Variants in SNRPG observed in about 807,000 individuals in gnomAD.
SNRPG encodes the protein small nuclear ribonucleoprotein G.
A neutral mutation model predicts 13.9 loss-of-function variants in SNRPG; 3 were observed. The ratio of observed to expected loss-of-function variants is 0.22; its 90% CI spans 0.10 to 0.56. The LOEUF (loss-of-function observed/expected upper bound fraction) is 0.56. Among genes scored for constraint, SNRPG ranks in the 20% least tolerant of loss-of-function variants. The probability of loss-of-function intolerance (pLI) is 0.93; values close to 1 mark genes in which losing one functional copy is unlikely to be tolerated. For missense variants in SNRPG, 34 were observed against 96.1 expected, an observed-to-expected ratio of 0.35 and a Z score of 2.70; for synonymous variants, 29 against 29.3, an observed-to-expected ratio of 0.99 and a Z score of 0.03.
intron 3 of SNRPG, among the ~76,000 whole-genome samples, chr2:70,285,603 A>T (rs73939159): frequency 6.6e-6 from 1 of 151,846 alleles, no homozygotes; most frequent in Non-Finnish European, 1.5e-5. Context: ...CACACACAGA[A>T]ATTTGTGCAT....
intron 2 of SNRPG, 50 bp downstream of exon 2, chr2:70,289,299 TA>T (rs1225540792): frequency 8.9e-6 from 10 of 1,128,172 alleles, no homozygotes; most frequent in Non-Finnish European, 1.3e-5. Context: ...AAGACACATG[TA>T]AAAAGCAATT....
intron 3 of SNRPG, among the ~76,000 whole-genome samples, chr2:70,286,189 A>G (rs902202738): frequency 5.3e-5 from 8 of 152,198 alleles, no homozygotes; most frequent in Admixed American, 2.0e-4. Context: ...CAGCCTCTCG[A>G]AGTGCTGGGA....
chr2:70,282,798 G>A (rs1035171075), intron 3 of SNRPG, among the ~76,000 whole-genome samples: 2 of 152,148 alleles, frequency 1.3e-5, no homozygotes, highest in Non-Finnish European at 1.5e-5. Flanking sequence ...CATAAATGAA[G>A]ATAAGAATAT....
intron 1 of SNRPG, chr2:70,292,925 G>A: frequency 3.5e-6 from 2 of 566,226 alleles, no homozygotes; most frequent in Non-Finnish European, 6.3e-6. Flanking sequence ...CCTACCTAAA[G>A]TAAGGCTCTC....
rs1696977582 is a variant in SNRPG at position 70,287,692 on chromosome 2, G to A, written c.180+376C>T. 1.5e-5 allele frequency: 6 copies of A among 395,704 alleles called. No individual in the cohort carries two copies. In the East Asian group the frequency reaches 2.9e-4, roughly 19 times the overall value. 24.5% of individuals were successfully genotyped at this position (395,704 alleles called of 1,614,324 possible). On this transcript the variant is annotated intron_variant, in intron 3 of 3. Transcript: ENST00000272348. ...AGTAGAAATGCAAAACCTTAGTTAAGTTCTGCCCCATACCTACTGAAGTAG... is the reference window on the plus strand; with the variant it reads ...AGTAGAAATGCAAAACCTTAGTTAAATTCTGCCCCATACCTACTGAAGTAG...
At chr2:70,284,953 C>G (rs2104912729) in intron 3 of SNRPG, among the ~76,000 whole-genome samples, 1 of 152,292 alleles carries the variant, frequency 6.6e-6, no homozygotes, top group Middle Eastern at 3.4e-3. Context: ...GTGATGATAC[C>G]TCATACTGTC....
intron 3 of SNRPG, among the ~76,000 whole-genome samples, chr2:70,286,848 A>C (rs1166301238): frequency 6.6e-6 from 1 of 152,210 alleles, no homozygotes; most frequent in Non-Finnish European, 1.5e-5. Flanking sequence ...CTAAAAACCT[A>C]ATCTACCTTC....
Position 70,293,602 on chromosome 2 carries a change from T to C in SNRPG, c.32+16A>G, listed in dbSNP as rs758356324. 1.2e-6 allele frequency: 2 copies of C among 1,612,336 alleles called. No individual in the cohort carries two copies. Among genetic ancestry groups the C allele is most frequent in the African/African-American group, 2.7e-5 (2 of 75,014 alleles). On this transcript the variant is annotated intron_variant, in intron 1 of 3. Transcript: ENST00000272348. ...AAATAACTGACCACTTCGGTTTGGCTCTCACACATACTTACTTTTTCAACT... is the reference window on the plus strand; with the variant it reads ...AAATAACTGACCACTTCGGTTTGGCCCTCACACATACTTACTTTTTCAACT...
intron 1 of SNRPG, among the ~76,000 whole-genome samples, chr2:70,292,450 C>T (rs984595060): frequency 3.9e-5 from 6 of 152,190 alleles, no homozygotes; most frequent in African/African-American, 1.4e-4. Context: ...CGGGTTCAAG[C>T]GATTCTCCTG....
chr2:70,292,935 CCTA>C (rs1559047121), intron 1 of SNRPG: 1 of 570,028 alleles, frequency 1.8e-6, no homozygotes, highest in Non-Finnish European at 3.1e-6. Flanking sequence ...GTAAGGCTCT[CCTA>C]CTTAAAGTTG....
intron 1 of SNRPG, chr2:70,293,223 C>G (rs768868003): frequency 6.8e-5 from 48 of 702,290 alleles, no homozygotes; most frequent in Non-Finnish European, 1.1e-4. Context: ...ACACTTCCTT[C>G]CCTTCCAGCC....
chr2:70,287,174 A>G, intron 3 of SNRPG: 1 of 608,796 alleles, frequency 1.6e-6, no homozygotes, highest in South Asian at 2.0e-5. Flanking sequence ...TTAAACAGGC[A>G]GAGATGTCAA....
rs1404470204 is a variant in SNRPG, at chr2:70,288,926, G to C, written c.55+424C>G. ...GATTAAGTAATCTGCTTAACTAACG[G>C]ATGTGAATTAGAGGTCCTGTGTGCT... On this transcript the variant is annotated intron_variant, in intron 2 of 3. Transcript: ENST00000272348. Among the ~76,000 whole-genome samples the C allele has an allele frequency of 2.0e-5, 3 of 152,272 alleles. No individual in the cohort carries two copies. The East Asian group carries it at 5.8e-4, about 29-fold the overall frequency.
intron 2 of SNRPG, among the ~76,000 whole-genome samples, chr2:70,288,852 G>A (rs1194319062): frequency 1.9e-5 from 2 of 107,662 alleles, no homozygotes; most frequent in Non-Finnish European, 4.8e-5. Context: ...AGTCTGAAGT[G>A]CTGTTAAATT....
At chr2:70,287,487 G>T in intron 3 of SNRPG, 1 of 565,340 alleles carries the variant, frequency 1.8e-6, no homozygotes, top group South Asian at 2.4e-5. Flanking sequence ...CTCAGTATGT[G>T]CTTATTTTTT....
chr2:70,288,478 C>T (rs1444210197), intron 2 of SNRPG, among the ~76,000 whole-genome samples: 1 of 152,052 alleles, frequency 6.6e-6, no homozygotes, highest in Non-Finnish European at 1.5e-5. Flanking sequence ...AGGCTGGTCT[C>T]GAACTCCTGG....
chr2:70,289,487 A>G, intron 1 of SNRPG, 115 bp from the exon 2 acceptor site: 1 of 603,394 alleles, frequency 1.7e-6, no homozygotes, highest in Non-Finnish European at 3.0e-6. Context: ...GAATAATGAA[A>G]TCTAAAATAG....
intron 3 of SNRPG, among the ~76,000 whole-genome samples, chr2:70,282,561 C>T (rs1283331597): frequency 6.6e-6 from 1 of 152,110 alleles, no homozygotes; most frequent in Non-Finnish European, 1.5e-5. Context: ...AGATAGTTGG[C>T]ATTCAATCTT....
chr2:70,290,823 T>TAAAAAAAAAA (rs57720967), intron 1 of SNRPG, among the ~76,000 whole-genome samples: 4 of 25,284 alleles, frequency 1.6e-4, no homozygotes, highest in East Asian at 1.8e-3. Context: ...CCGTCTCTAC[T>TAAAAAAAAAA]AAAAAAAAAA....
Sources: allele counts gnomAD v4.1 joint callset (sites outside exome capture counted in the v4.1 genomes callset), GRCh38; gene constraint gnomAD v4.1.1; transcripts MANE v1.5; gene names NCBI Gene and HGNC (gene_info 2026-07-23, HGNC 2026-07-21).